The following MDGA2 variants were observed in gnomAD, a reference collection of about 807,000 sequenced individuals.
MDGA2 encodes the protein MAM domain containing glycosylphosphatidylinositol anchor 2.
A neutral mutation model predicts 117.8 loss-of-function variants in MDGA2; 40 were observed. The ratio of observed to expected loss-of-function variants is 0.34; its 90% CI spans 0.26 to 0.44. The LOEUF is 0.44. Among genes scored for constraint, MDGA2 ranks in the 20% least tolerant of loss-of-function variants. MDGA2 has a pLI of 1.00. For synonymous variants in MDGA2, 452 were observed against 439.0 expected, an observed-to-expected ratio of 1.03 and a Z score of -0.37; for missense variants, 1,123 against 1,250.6, an observed-to-expected ratio of 0.90 and a Z score of 1.54.
At chr14:47,491,149 A>C (rs1894160926) in intron 1 of MDGA2, among the ~76,000 whole-genome samples, 1 of 152,128 alleles carries the variant, frequency 6.6e-6, no homozygotes, top group South Asian at 2.1e-4. Flanking sequence ...TTGTTATCCT[A>C]AAATTATCAC....
intron 1 of MDGA2, among the ~76,000 whole-genome samples, chr14:47,597,845 TACACACACAC>T (rs35221587): frequency 2.5e-4 from 36 of 141,368 alleles, no homozygotes; most frequent in Middle Eastern, 3.6e-3. Context: ...CACACACACA[TACACACACAC>T]ACACACACAC....
intron 2 of MDGA2, among the ~76,000 whole-genome samples, chr14:47,278,576 T>C (rs544048840): frequency 1.3e-5 from 2 of 152,298 alleles, no homozygotes; most frequent in South Asian, 2.1e-4. Flanking sequence ...TAAAGACCTG[T>C]GTTAAGTATC....
Position 47,370,176 on chromosome 14 carries a change from C to T in MDGA2, c.281-68626G>A, listed in dbSNP as rs557052865. On this transcript the variant is annotated intron_variant, in intron 1 of 16. Coordinates refer to ENST00000399232, the MANE Select transcript of MDGA2 (RefSeq NM_001113498.3). ...AACAGTTACTCATTCTTGCCATGAG[C>T]TTAATATTATTATGAGTGATATAAT... is the stretch of plus-strand genomic sequence containing the variant. Among the ~76,000 whole-genome samples, 3 of 151,838 alleles carry T rather than the reference C, an allele frequency of 2.0e-5. No individual in the cohort carries two copies. In the South Asian group the frequency reaches 6.2e-4, roughly 32 times the overall value.
intron 1 of MDGA2, among the ~76,000 whole-genome samples, chr14:47,539,143 A>G (rs188353781): frequency 2.8e-4 from 43 of 152,310 alleles, no homozygotes; most frequent in Non-Finnish European, 5.0e-4. Flanking sequence ...GAGCTTGCTC[A>G]CCAGCAGAGC....
chr14:47,556,695 T>G (rs867555815), intron 1 of MDGA2, among the ~76,000 whole-genome samples: 2 of 152,214 alleles, frequency 1.3e-5, no homozygotes, highest in Non-Finnish European at 2.9e-5. Flanking sequence ...TAAAATTATC[T>G]GAGTTTAAAA....
chr14:47,447,559 T>G (rs1893150428), intron 1 of MDGA2, among the ~76,000 whole-genome samples: 1 of 152,120 alleles, frequency 6.6e-6, no homozygotes, highest in African/African-American at 2.4e-5. Context: ...CTCTAGCTGG[T>G]CATTTATGAT....
intron 3 of MDGA2, among the ~76,000 whole-genome samples, chr14:47,199,272 C>T (rs1885403469): frequency 6.6e-6 from 1 of 152,046 alleles, no homozygotes; most frequent in Non-Finnish European, 1.5e-5. Context: ...AATAAAGACA[C>T]ATAAAACTTG....
chr14:47,126,914 G>C (rs1881932286), intron 5 of MDGA2, among the ~76,000 whole-genome samples: 1 of 152,024 alleles, frequency 6.6e-6, no homozygotes, highest in Non-Finnish European at 1.5e-5. Flanking sequence ...TTTGGGCATT[G>C]TGCAAATCAG....
At chr14:47,393,137 A>G (rs1304086096) in intron 1 of MDGA2, among the ~76,000 whole-genome samples, 4 of 151,304 alleles carry the variant, frequency 2.6e-5, no homozygotes, top group Non-Finnish European at 5.9e-5. Context: ...AAGAAGGGAT[A>G]CAAATAGCTT....
At chr14:47,183,672 G>A (rs538466989) in intron 3 of MDGA2, among the ~76,000 whole-genome samples, 16 of 152,076 alleles carry the variant, frequency 1.1e-4, no homozygotes, top group East Asian at 7.7e-4. Flanking sequence ...TAGGAATTGC[G>A]CAAAACATAC....
At chr14:47,011,815 C>T (rs1178299956) in intron 8 of MDGA2, among the ~76,000 whole-genome samples, 1 of 151,920 alleles carries the variant, frequency 6.6e-6, no homozygotes, top group Non-Finnish European at 1.5e-5. Flanking sequence ...CTGATATCCC[C>T]CATGGAAAAC....
intron 1 of MDGA2, among the ~76,000 whole-genome samples, chr14:47,373,530 A>C (rs1891411795): frequency 1.3e-5 from 2 of 152,118 alleles, no homozygotes; most frequent in East Asian, 1.9e-4. Flanking sequence ...GAAAGTATTA[A>C]GCTAAATGAA....
chr14:47,597,882 AC>A, intron 1 of MDGA2, among the ~76,000 whole-genome samples: 1 of 150,022 alleles, frequency 6.7e-6, no homozygotes, highest in Non-Finnish European at 1.5e-5. Context: ...ACACACACAC[AC>A]AAAACACAGA....
At chr14:46,927,199 T>A (rs1036967201) in intron 9 of MDGA2, among the ~76,000 whole-genome samples, 19 of 152,156 alleles carry the variant, frequency 1.2e-4, no homozygotes, top group African/African-American at 4.3e-4. Flanking sequence ...TTTAATTCTG[T>A]CAAGTCAAAA....
chr14:47,111,743 G>T (rs1042447223), intron 5 of MDGA2, among the ~76,000 whole-genome samples: 2 of 151,978 alleles, frequency 1.3e-5, no homozygotes, highest in African/African-American at 2.4e-5. Context: ...AGTAGCAGTT[G>T]GTAATCTGCC....
chr14:47,100,587 ATTAGT>A (rs1002837664), intron 5 of MDGA2, among the ~76,000 whole-genome samples: 1 of 152,144 alleles, frequency 6.6e-6, no homozygotes, highest in African/African-American at 2.4e-5. Context: ...GAGATAGATT[ATTAGT>A]TTATTCTCAT....
At chr14:47,332,622 T>C (rs1228130698) in intron 1 of MDGA2, among the ~76,000 whole-genome samples, 1 of 151,994 alleles carries the variant, frequency 6.6e-6, no homozygotes, top group Non-Finnish European at 1.5e-5. Context: ...CAGAAAATAA[T>C]TCTAGTTTCA....
chr14:46,950,053 T>C (rs1218624499), intron 9 of MDGA2, among the ~76,000 whole-genome samples: 3 of 151,970 alleles, frequency 2.0e-5, no homozygotes, highest in East Asian at 1.9e-4. Context: ...TTGAAGTTTT[T>C]ATTTAAGTAT....
At chr14:47,118,541 C>T (rs1881450546) in intron 5 of MDGA2, among the ~76,000 whole-genome samples, 1 of 152,112 alleles carries the variant, frequency 6.6e-6, no homozygotes, top group African/African-American at 2.4e-5. Context: ...GGTACCATCA[C>T]ATTTCTCTTT....
Sources: gnomAD v4.1 joint callset for allele counts (sites outside exome capture counted in the v4.1 genomes callset) on GRCh38, gnomAD v4.1.1 for gene constraint, MANE v1.5 for transcripts, NCBI Gene and HGNC (gene_info 2026-07-23, HGNC 2026-07-21) for gene names.